Variants in NCKAP5 observed in about 807,000 individuals in gnomAD.
NCKAP5 encodes the protein nck-associated protein 5.
NCKAP5 carries 92 observed loss-of-function variants against 167.0 expected under a neutral mutation model. The ratio of observed to expected loss-of-function variants is 0.55; its 90% confidence interval spans 0.47 to 0.66. The LOEUF (loss-of-function observed/expected upper bound fraction) is 0.66. Ranked by LOEUF, NCKAP5 falls within the 30% of genes least tolerant of loss-of-function variation. The probability of loss-of-function intolerance (pLI) is 0.00; values close to 1 mark genes in which losing one functional copy is unlikely to be tolerated. For synonymous variants in NCKAP5, 891 were observed against 877.4 expected (o/e 1.02, Z -0.27); for missense variants, 2,378 against 2,315.0 (o/e 1.03, Z -0.56).
intron 4 of NCKAP5, among the ~76,000 whole-genome samples, chr2:133,226,640 C>CACACAG (rs933689015): frequency 7.3e-5 from 11 of 150,680 alleles, no homozygotes; most frequent in African/African-American, 2.7e-4. Context: ...CACACACACA[C>CACACAG]AGGAAGAACA....
chr2:133,168,556 G>A (rs1377913270), intron 5 of NCKAP5, among the ~76,000 whole-genome samples: 2 of 151,974 alleles, frequency 1.3e-5, no homozygotes, highest in African/African-American at 4.8e-5. Flanking sequence ...CGCTTTGCCT[G>A]CTTGACTTTC....
intron 6 of NCKAP5, among the ~76,000 whole-genome samples, chr2:133,031,360 A>G (rs908519775): frequency 1.3e-5 from 2 of 152,120 alleles, no homozygotes; most frequent in African/African-American, 4.8e-5. Context: ...AGAAAGGAAA[A>G]CCGGACCAAA....
At chr2:133,004,184 C>T (rs1201185784) in intron 6 of NCKAP5, among the ~76,000 whole-genome samples, 1 of 152,206 alleles carries the variant, frequency 6.6e-6, no homozygotes, top group East Asian at 1.9e-4. Context: ...GAGAAATACA[C>T]CTCACTGGCT....
At chr2:132,731,272 G>A (rs1356297982) in intron 17 of NCKAP5, among the ~76,000 whole-genome samples, 4 of 152,276 alleles carry the variant, frequency 2.6e-5, no homozygotes, top group Middle Eastern at 3.4e-3. Context: ...ATCGGTGCAC[G>A]ATCTACTGCT....
In NCKAP5 at chr2:133,205,132, A is replaced by G. The variant is rs908389639; in HGVS notation, c.207+8584T>C. On this transcript the variant is annotated intron_variant, in intron 5 of 19. Coordinates refer to ENST00000409261, the MANE Select transcript of NCKAP5 (RefSeq NM_207363.3). ...GGTGAAACCTTATCTCTACAAAAAA[A>G]TTTAAAAAAAAATAGCCAGGCATCG... 2.0e-5 allele frequency among the ~76,000 whole-genome samples: 3 copies of G among 152,074 alleles called. No homozygotes were observed. In the East Asian group the frequency reaches 5.8e-4, roughly 29 times the overall value.
chr2:133,125,366 G>A (rs553063205), intron 6 of NCKAP5, among the ~76,000 whole-genome samples: 1 of 151,948 alleles, frequency 6.6e-6, no homozygotes, highest in Admixed American at 6.6e-5. Flanking sequence ...TAAATCCAGG[G>A]GTCCAAACAG....
the NCKAP5 span, among the ~76,000 whole-genome samples, chr2:133,664,420 TCTC>T: frequency 6.6e-6 from 1 of 152,204 alleles, no homozygotes; most frequent in South Asian, 2.1e-4. Context: ...GGCTTTGACT[TCTC>T]CTCTACAGCT....
At chr2:133,004,751 C>A in intron 6 of NCKAP5, among the ~76,000 whole-genome samples, 1 of 152,112 alleles carries the variant, frequency 6.6e-6, no homozygotes, top group East Asian at 1.9e-4. Flanking sequence ...ATTCGCCAGG[C>A]TGGAATTTCC....
intron 1 of NCKAP5, among the ~76,000 whole-genome samples, chr2:133,562,214 T>C (rs1688206767): frequency 6.6e-6 from 1 of 152,006 alleles, no homozygotes; most frequent in African/African-American, 2.4e-5. Flanking sequence ...TATATAAATA[T>C]ACACACACAT....
intron 16 of NCKAP5, among the ~76,000 whole-genome samples, chr2:132,757,313 A>G (rs2104830994): frequency 6.6e-6 from 1 of 152,330 alleles, no homozygotes; most frequent in Admixed American, 6.5e-5. Flanking sequence ...TTTTCCAGAC[A>G]CTACCGTTTT....
Position 132,912,225 on chromosome 2 carries a change from C to G in NCKAP5, c.580-33309G>C, listed in dbSNP as rs138524132. On this transcript the variant is annotated intron_variant, in intron 8 of 19. Coordinates refer to ENST00000409261, the MANE Select transcript of NCKAP5 (RefSeq NM_207363.3). ...GCCTGAAGTGAGCCAAGCTCTCGCT[C>G]TCTGTGGCACAGTGCCCTTTGGGAA... 5.6e-3 allele frequency among the ~76,000 whole-genome samples: 858 copies of G among 152,292 alleles called. 6 individuals are homozygous for G. Among genetic ancestry groups the G allele is most frequent in the South Asian group, 0.027 (130 of 4,824 alleles).
At chr2:133,123,408 T>C (rs1338664521) in intron 6 of NCKAP5, 1 of 185,646 alleles carries the variant, frequency 5.4e-6, no homozygotes, top group African/African-American at 2.3e-5. Context: ...CATATTATGT[T>C]ATCCAGGCAT....
chr2:132,998,807 A>T (rs1376369064), intron 6 of NCKAP5, among the ~76,000 whole-genome samples: 2 of 152,150 alleles, frequency 1.3e-5, no homozygotes, highest in Non-Finnish European at 2.9e-5. Context: ...TTAAGAAATA[A>T]GCCAATTCCT....
rs1334227436 is a variant in NCKAP5, at chr2:132,672,553, G to A, written c.*736C>T. The A allele has an allele frequency of 6.6e-6, 1 of 152,372 alleles. No homozygotes were observed. Among genetic ancestry groups the A allele is most frequent in the Non-Finnish European group, 1.5e-5 (1 of 68,042 alleles). The allele number at this position is 152,372 out of a possible 1,614,324, so 9.4% of individuals were successfully genotyped here. A position where few individuals can be genotyped will look rare whatever the true frequency, so the allele number is the denominator to read the frequency against. On this transcript the variant is annotated 3_prime_UTR_variant, in exon 20 of 20. Coordinates refer to ENST00000409261, the MANE Select transcript of NCKAP5 (RefSeq NM_207363.3). The stretch of plus-strand genomic sequence containing the variant: ...CGATTTTTTGGCAGGCCCTGTTGTA[G>A]GTTTACAGAGTGTACCCACAAACAA...
chr2:133,609,942 A>G, the NCKAP5 span, among the ~76,000 whole-genome samples: 1 of 152,192 alleles, frequency 6.6e-6, no homozygotes, highest in South Asian at 2.1e-4. Context: ...GAGGAATTTT[A>G]ATTTAAATTC....
At chr2:133,058,018 C>T (rs2079862411) in intron 6 of NCKAP5, among the ~76,000 whole-genome samples, 1 of 152,176 alleles carries the variant, frequency 6.6e-6, no homozygotes, top group South Asian at 2.1e-4. Context: ...TAAATCTACT[C>T]TGCCTCTGGC....
intron 10 of NCKAP5, among the ~76,000 whole-genome samples, chr2:132,865,845 G>A (rs2148741267): frequency 6.6e-6 from 1 of 152,198 alleles, no homozygotes; most frequent in South Asian, 2.1e-4. Flanking sequence ...CTACCTCACG[G>A]GGCTGCCTTG....
intron 5 of NCKAP5, among the ~76,000 whole-genome samples, chr2:133,170,107 G>A (rs1353493473): frequency 6.6e-6 from 1 of 152,056 alleles, no homozygotes; most frequent in Non-Finnish European, 1.5e-5. Flanking sequence ...TCATACAAAA[G>A]CAATACTCTT....
At chr2:133,499,546 G>A (rs1175807627) in intron 3 of NCKAP5, among the ~76,000 whole-genome samples, 2 of 45,376 alleles carry the variant, frequency 4.4e-5, no homozygotes, top group African/African-American at 2.7e-4. Context: ...AAGTCTAAGT[G>A]TTCTTTTTTG....
Sources: gnomAD v4.1 joint callset for allele counts (sites outside exome capture counted in the v4.1 genomes callset) on GRCh38, gnomAD v4.1.1 for gene constraint, MANE v1.5 for transcripts, NCBI Gene and HGNC (gene_info 2026-07-23, HGNC 2026-07-21) for gene names.